CNTNAP5: variants seen among roughly 807,000 people sequenced by gnomAD.
The protein encoded by CNTNAP5 is contactin-associated protein-like 5.
In CNTNAP5, 72 loss-of-function variants were observed where a neutral mutation model predicts 150.2. That is an observed-to-expected ratio of 0.48 (90% CI 0.40 to 0.58). The LOEUF (loss-of-function observed/expected upper bound fraction) is 0.58, where lower values mean the gene tolerates loss of function less well. Among genes scored for constraint, CNTNAP5 ranks in the 20% least tolerant of loss-of-function variants. CNTNAP5 has a pLI of 0.00. For missense variants in CNTNAP5, 1,636 were observed against 1,626.2 expected (o/e 1.01, Z -0.10); for synonymous variants, 672 against 619.8 (o/e 1.08, Z -1.25).
intron 19 of CNTNAP5, among the ~76,000 whole-genome samples, chr2:124,815,040 G>T (rs1159923177): frequency 6.6e-6 from 1 of 152,148 alleles, no homozygotes; most frequent in Admixed American, 6.5e-5. Context: ...CTAAATGAAA[G>T]CACAACAATG....
At chr2:124,663,177 T>C (rs1182854558) in intron 13 of CNTNAP5, among the ~76,000 whole-genome samples, 1 of 152,230 alleles carries the variant, frequency 6.6e-6, no homozygotes, top group Admixed American at 6.5e-5. Context: ...ACCAATCTAG[T>C]AAAACCTGTT....
At position 124,063,373 on chromosome 2, in the gene CNTNAP5, G is replaced by C. The variant is rs1262135063; in HGVS notation, c.82+37641G>C. Among the ~76,000 whole-genome samples, 5 of 152,182 alleles carry C rather than the reference G, an allele frequency of 3.3e-5. No individual in the cohort carries two copies. In the East Asian group the frequency reaches 9.7e-4, roughly 29 times the overall value. On this transcript the variant is annotated intron_variant, in intron 1 of 23. Transcript: ENST00000682447. ...TCTTTCATGAAATAGGAACGTTGAT[G>C]TAGATATCTTTTAATTCTATGACTT...
At chr2:124,902,004 A>G (rs1389019967) in intron 21 of CNTNAP5, among the ~76,000 whole-genome samples, 1 of 152,164 alleles carries the variant, frequency 6.6e-6, no homozygotes, top group African/African-American at 2.4e-5. Flanking sequence ...CCTTTCAGAA[A>G]ACAAACACAT....
chr2:124,871,281 C>T (rs113390427), intron 21 of CNTNAP5, among the ~76,000 whole-genome samples: 27,324 of 150,886 alleles, frequency 0.18, 2,826 homozygotes, highest in African/African-American at 0.26. Context: ...TATTTACTTA[C>T]TTATTTATTT....
At chr2:124,056,085 C>T (rs1681839856) in intron 1 of CNTNAP5, among the ~76,000 whole-genome samples, 2 of 152,174 alleles carry the variant, frequency 1.3e-5, no homozygotes, top group South Asian at 4.1e-4. Context: ...TCTCATGTTA[C>T]ATTTCTTTTG....
At chr2:124,460,137 GT>G (rs748809444) in intron 6 of CNTNAP5, among the ~76,000 whole-genome samples, 4 of 152,126 alleles carry the variant, frequency 2.6e-5, no homozygotes, top group Non-Finnish European at 5.9e-5. Context: ...AGTGTAAACA[GT>G]TTTTTTGTGT....
At chr2:124,265,442 C>A (rs1687581476) in intron 3 of CNTNAP5, among the ~76,000 whole-genome samples, 1 of 152,084 alleles carries the variant, frequency 6.6e-6, no homozygotes, top group African/African-American at 2.4e-5. Flanking sequence ...CAAATCGCCA[C>A]TTTAACATCA....
chr2:124,117,663 C>T (rs896853244), intron 1 of CNTNAP5, among the ~76,000 whole-genome samples: 1 of 152,122 alleles, frequency 6.6e-6, no homozygotes, highest in Non-Finnish European at 1.5e-5. Flanking sequence ...AATTTCTTTC[C>T]ATAGCACCGA....
chr2:124,374,962 A>C (rs1690610602), intron 3 of CNTNAP5, among the ~76,000 whole-genome samples: 1 of 152,144 alleles, frequency 6.6e-6, no homozygotes, highest in Non-Finnish European at 1.5e-5. Context: ...GGCTATATCA[A>C]ATTATAACTC....
At chr2:124,681,225 C>T (rs1679060944) in intron 13 of CNTNAP5, among the ~76,000 whole-genome samples, 1 of 149,438 alleles carries the variant, frequency 6.7e-6, no homozygotes, top group Non-Finnish European at 1.5e-5. Flanking sequence ...TCGCTTGCAC[C>T]TGGAAGGCGG....
chr2:124,628,156 G>A (rs1483046214), intron 12 of CNTNAP5, among the ~76,000 whole-genome samples: 8 of 152,108 alleles, frequency 5.3e-5, no homozygotes, highest in African/African-American at 1.2e-4. Context: ...TGTATCATCC[G>A]GGAGGACTTC....
chr2:124,641,317 C>G (rs1019523605), intron 12 of CNTNAP5, among the ~76,000 whole-genome samples: 1 of 151,838 alleles, frequency 6.6e-6, no homozygotes, highest in Non-Finnish European at 1.5e-5. Flanking sequence ...TCCAGGAATC[C>G]AGTGGGTGGC....
At chr2:124,753,401 A>G (rs1407789944) in intron 14 of CNTNAP5, among the ~76,000 whole-genome samples, 1 of 152,178 alleles carries the variant, frequency 6.6e-6, no homozygotes, top group Admixed American at 6.6e-5. Context: ...ATTTTTACCA[A>G]TGTATTTTTA....
chr2:124,315,975 A>T (rs963386120), intron 3 of CNTNAP5, among the ~76,000 whole-genome samples: 3 of 152,104 alleles, frequency 2.0e-5, no homozygotes, highest in Admixed American at 6.5e-5. Context: ...AACTACTGCA[A>T]CTCCCGATAC....
At chr2:124,783,207 T>A (rs967993038) in intron 17 of CNTNAP5, among the ~76,000 whole-genome samples, 7 of 152,200 alleles carry the variant, frequency 4.6e-5, no homozygotes, top group African/African-American at 1.7e-4. Context: ...TGAAAAATTA[T>A]CAAGTCATAT....
chr2:124,574,121 T>C (rs559837332), intron 11 of CNTNAP5, among the ~76,000 whole-genome samples: 60 of 152,322 alleles, frequency 3.9e-4, no homozygotes, highest in African/African-American at 1.4e-3. Flanking sequence ...GGTTAGGTTT[T>C]GGCATAGGTG....
At position 124,879,203 on chromosome 2, in the gene CNTNAP5, A is replaced by G. The variant is rs561544249; in HGVS notation, c.3436+9441A>G. Among the ~76,000 whole-genome samples the G allele has an allele frequency of 2.2e-3, 333 of 152,180 alleles. 2 individuals are homozygous for G. Among genetic ancestry groups the G allele is most frequent in the African/African-American group, 7.5e-3 (312 of 41,566 alleles). On this transcript the variant is annotated intron_variant, in intron 21 of 23. Transcript: ENST00000682447. ...CTCCACTTCTCAGCATGGGGTAGTC[A>G]TGAGGTTCCAAAGACAAGACCCCAG...
chr2:124,353,894 AG>A (rs1210021649), intron 3 of CNTNAP5, among the ~76,000 whole-genome samples: 2 of 152,312 alleles, frequency 1.3e-5, no homozygotes, highest in African/African-American at 4.8e-5. Context: ...TTTCAGTTGA[AG>A]GGAGTTCATG....
At chr2:124,345,197 T>C (rs1160196073) in intron 3 of CNTNAP5, among the ~76,000 whole-genome samples, 1 of 152,224 alleles carries the variant, frequency 6.6e-6, no homozygotes, top group Non-Finnish European at 1.5e-5. Context: ...CCTTAGACTT[T>C]AAGCCATAGA....
Sources: gnomAD v4.1 joint callset for allele counts (sites outside exome capture counted in the v4.1 genomes callset) on GRCh38, gnomAD v4.1.1 for gene constraint, MANE v1.5 for transcripts, NCBI Gene and HGNC (gene_info 2026-07-23, HGNC 2026-07-21) for gene names.